NRF1: variants seen among roughly 807,000 people sequenced by gnomAD.
NRF1 encodes the protein alpha palindromic-binding protein.
In NRF1, 5 loss-of-function variants were observed where a neutral mutation model predicts 58.5. The ratio of observed to expected loss-of-function variants is 0.09; its 90% confidence interval spans 0.04 to 0.18. The LOEUF (loss-of-function observed/expected upper bound fraction) is 0.18, where lower values mean the gene tolerates loss of function less well. NRF1 is among the 10% of genes least tolerant of loss of function. The probability of loss-of-function intolerance (pLI) is 1.00; values close to 1 mark genes in which losing one functional copy is unlikely to be tolerated. For synonymous variants in NRF1, 224 were observed against 246.7 expected (o/e 0.91, Z 0.86); for missense variants, 288 against 657.7 (o/e 0.44, Z 6.15).
intron 1 of NRF1, among the ~76,000 whole-genome samples, chr7:129,638,228 C>T (rs182293363): frequency 1.3e-5 from 2 of 152,220 alleles, no homozygotes; most frequent in Admixed American, 1.3e-4. Flanking sequence ...GCTACAGATA[C>T]AGATTGCCCT....
chr7:129,652,146 T>C (rs1801550787), intron 1 of NRF1, among the ~76,000 whole-genome samples: 1 of 152,174 alleles, frequency 6.6e-6, no homozygotes, highest in Non-Finnish European at 1.5e-5. Context: ...GATCTCAAGA[T>C]GGAGAAAGAC....
intron 2 of NRF1, among the ~76,000 whole-genome samples, chr7:129,665,189 G>T (rs1266954016): frequency 6.6e-6 from 1 of 152,124 alleles, no homozygotes; most frequent in Non-Finnish European, 1.5e-5. Context: ...TGGGAAGGAG[G>T]CCAGTGTGGT....
chr7:129,709,346 C>A, intron 6 of NRF1, 113 bp downstream of exon 6: 1 of 852,628 alleles, frequency 1.2e-6, no homozygotes, highest in Non-Finnish European at 1.7e-6. Flanking sequence ...ATAGTTAAGC[C>A]TGTCCCTCCA....
intron 9 of NRF1, among the ~76,000 whole-genome samples, chr7:129,719,188 A>C (rs1803259112): frequency 6.6e-6 from 1 of 151,414 alleles, no homozygotes; most frequent in African/African-American, 2.4e-5. Flanking sequence ...GCTGAAGTAC[A>C]ATGGCATGTT....
chr7:129,627,973 A>G (rs1305583130), intron 1 of NRF1, among the ~76,000 whole-genome samples: 1 of 150,996 alleles, frequency 6.6e-6, no homozygotes, highest in Non-Finnish European at 1.5e-5. Flanking sequence ...CAATCATCAC[A>G]TTCTACCTTG....
At chr7:129,734,969 G>A (rs1231342237) in intron 10 of NRF1, 2 of 761,502 alleles carry the variant, frequency 2.6e-6, no homozygotes, top group Non-Finnish European at 3.2e-6. Flanking sequence ...GTAGGGCTGT[G>A]GATCCTGGGG....
chr7:129,667,304 T>G (rs1801945105), intron 2 of NRF1, among the ~76,000 whole-genome samples: 1 of 152,182 alleles, frequency 6.6e-6, no homozygotes, highest in South Asian at 2.1e-4. Flanking sequence ...CATCTCAGTG[T>G]TGGTTTAATT....
At chr7:129,744,050 C>T (rs928647423) in intron 10 of NRF1, 7 of 807,082 alleles carry the variant, frequency 8.7e-6, no homozygotes, top group South Asian at 3.7e-5. Context: ...GTGGAAGGAG[C>T]GAGGCTGTGC....
rs1302786482 is a variant in NRF1 at position 129,615,497 on chromosome 7, T to TA, written c.-7+3679dup. On this transcript the variant is annotated intron_variant, in intron 1 of 10. Coordinates refer to ENST00000393232, the MANE Select transcript of NRF1 (RefSeq NM_005011.5). ...CTTAAAATGCAAATCTTTGATTTTG[T>TA]AAAAAACATTTCAGGAAATGTTCTA... Among the ~76,000 whole-genome samples the TA allele has an allele frequency of 2.6e-5, 4 of 152,228 alleles. No homozygotes were observed. In the East Asian group the frequency reaches 5.8e-4, roughly 22 times the overall value.
At chr7:129,699,761 T>C (rs189842976) in intron 5 of NRF1, among the ~76,000 whole-genome samples, 1 of 149,848 alleles carries the variant, frequency 6.7e-6, no homozygotes, top group Admixed American at 6.7e-5. Flanking sequence ...AAAGAAAATA[T>C]AAGTTACCAG....
chr7:129,624,410 G>A (rs1302494680), intron 1 of NRF1, among the ~76,000 whole-genome samples: 1 of 152,160 alleles, frequency 6.6e-6, no homozygotes, highest in Non-Finnish European at 1.5e-5. Flanking sequence ...TTGAATGATT[G>A]TAGAAACCTG....
chr7:129,724,156 T>C (rs1160049523), intron 9 of NRF1, among the ~76,000 whole-genome samples: 2 of 152,192 alleles, frequency 1.3e-5, no homozygotes, highest in South Asian at 4.1e-4. Context: ...TGATAAGGGA[T>C]TGATATCCAG....
At chr7:129,685,757 G>T (rs1802430154) in intron 4 of NRF1, among the ~76,000 whole-genome samples, 1 of 152,064 alleles carries the variant, frequency 6.6e-6, no homozygotes, top group Non-Finnish European at 1.5e-5. Context: ...AAGGATACTT[G>T]GGAAGTTTTT....
At chr7:129,716,869 C>CAAA (rs35766307) in intron 8 of NRF1, among the ~76,000 whole-genome samples, 1 of 143,140 alleles carries the variant, frequency 7.0e-6, no homozygotes. Context: ...GACTCCCTCT[C>CAAA]AAAAAAAAAA....
At chr7:129,699,574 CA>C (rs1040754124) in intron 5 of NRF1, among the ~76,000 whole-genome samples, 1 of 150,966 alleles carries the variant, frequency 6.6e-6, no homozygotes, top group African/African-American at 2.4e-5. Flanking sequence ...GTATTATTTA[CA>C]AAAAAATTAG....
chr7:129,663,825 A>G (rs574321506), intron 2 of NRF1, among the ~76,000 whole-genome samples: 52 of 152,352 alleles, frequency 3.4e-4, no homozygotes, highest in African/African-American at 1.2e-3. Flanking sequence ...ACTGTACTCC[A>G]GCCTGGGCAA....
intron 6 of NRF1, among the ~76,000 whole-genome samples, 175 bp downstream of exon 6, chr7:129,709,408 A>G (rs75241068): frequency 2.8e-4 from 42 of 152,278 alleles, no homozygotes; most frequent in African/African-American, 9.1e-4. Context: ...CTCCATCACT[A>G]TACTATAAAG....
intron 1 of NRF1, among the ~76,000 whole-genome samples, chr7:129,651,528 A>G (rs1801536015): frequency 6.6e-6 from 1 of 152,216 alleles, no homozygotes; most frequent in Non-Finnish European, 1.5e-5. Context: ...AGACAGCCCT[A>G]TTGATTCATG....
At chr7:129,620,396 T>TC (rs1800765863) in intron 1 of NRF1, among the ~76,000 whole-genome samples, 1 of 151,588 alleles carries the variant, frequency 6.6e-6, no homozygotes, top group African/African-American at 2.4e-5. Flanking sequence ...CACTTTTTTT[T>TC]TTTTTTTTTT....
Sources: allele counts gnomAD v4.1 joint callset (sites outside exome capture counted in the v4.1 genomes callset), GRCh38; gene constraint gnomAD v4.1.1; transcripts MANE v1.5; gene names NCBI Gene and HGNC (gene_info 2026-07-23, HGNC 2026-07-21).